Variants in FILIP1 observed in about 807,000 individuals in gnomAD.
FILIP1 encodes the protein filamin A interacting protein 1.
Under a neutral mutation model 102.1 loss-of-function variants are expected in FILIP1, and 61 were observed. The ratio of observed to expected loss-of-function variants is 0.60; its 90% CI spans 0.49 to 0.74. The LOEUF is 0.74. Among genes scored for constraint, FILIP1 ranks in the 30% least tolerant of loss-of-function variants. FILIP1 has a pLI of 0.00. For synonymous variants in FILIP1, 491 were observed against 526.9 expected (o/e 0.93, Z 0.93); for missense variants, 1,314 against 1,441.2 (o/e 0.91, Z 1.43).
At chr6:75,369,179 T>C (rs1775438304) in intron 2 of FILIP1, among the ~76,000 whole-genome samples, 1 of 152,192 alleles carries the variant, frequency 6.6e-6, no homozygotes, top group Non-Finnish European at 1.5e-5. Context: ...CAAAGAATCA[T>C]GGTCATTTCC....
At chr6:75,420,264 C>CCAG (rs1424421295) in intron 1 of FILIP1, among the ~76,000 whole-genome samples, 2 of 150,904 alleles carry the variant, frequency 1.3e-5, no homozygotes, top group Non-Finnish European at 3.0e-5. Flanking sequence ...AAGAACAATA[C>CCAG]CAGTAGGCCC....
intron 1 of FILIP1, among the ~76,000 whole-genome samples, chr6:75,446,020 A>G (rs1778434626): frequency 1.3e-5 from 2 of 152,176 alleles, no homozygotes; most frequent in African/African-American, 4.8e-5. Context: ...CTACTTTGAG[A>G]ACTAATGTCA....
intron 1 of FILIP1, among the ~76,000 whole-genome samples, chr6:75,417,485 T>C (rs73461709): frequency 0.01 from 1,592 of 152,330 alleles, 33 homozygotes; most frequent in African/African-American, 0.037. Flanking sequence ...ATGTACACTT[T>C]AAAATGCTTT....
chr6:75,293,456 A>C (rs1772589681), exon 7 of FILIP1: 1 of 152,152 alleles, frequency 6.6e-6, no homozygotes, highest in African/African-American at 2.4e-5. Context: ...TCTTATTTCA[A>C]AATTAATCTA....
At chr6:75,414,600 A>G (rs1777187686) in intron 2 of FILIP1, 97 bp downstream of exon 2, 1 of 1,143,924 alleles carries the variant, frequency 8.7e-7, no homozygotes, top group Non-Finnish European at 1.3e-6. Context: ...CTTTCCCCAT[A>G]AAGTTCATTA....
chr6:75,321,069 C>T (rs1450713066), intron 4 of FILIP1, among the ~76,000 whole-genome samples: 13 of 152,076 alleles, frequency 8.5e-5, no homozygotes. Context: ...TCTACTTCCT[C>T]CTTCTCCCTC....
Position 75,314,271 on chromosome 6 carries a change from G to C in FILIP1, c.1561C>G (p.Gln521Glu), listed in dbSNP as rs150817517. The change falls in exon 5 of 6, where the codon CAA becomes GAA. Residue 521 changes from glutamine (Q) to glutamate (E), a missense_variant. This residue lies in a region of FILIP1 where 816 missense variants were observed against 913.1 expected (regional missense o/e 0.89). Coordinates refer to ENST00000237172, the MANE Select transcript of FILIP1 (RefSeq NM_015687.5). ...AGTCCATCCACTTTTCTCTCTTCTT[G>C]TTTTATTTTTTCCATCATATTTTTC... Reference protein sequence around the residue: ...ERKNMMEKIKQEERKVDGLNK... With the variant: ...ERKNMMEKIKEEERKVDGLNK... 3 of 1,544,742 alleles carry C rather than the reference G, an allele frequency of 1.9e-6. No homozygotes were observed. The highest frequency in any genetic ancestry group is 1.3e-5 in the South Asian group (1 of 78,672).
chr6:75,438,305 G>A (rs1308712777), intron 1 of FILIP1, among the ~76,000 whole-genome samples: 4 of 152,184 alleles, frequency 2.6e-5, no homozygotes, highest in Admixed American at 2.6e-4. Flanking sequence ...CTCATACTTT[G>A]GAGCCAGTTT....
chr6:75,480,111 AT>A (rs1562659066), intron 1 of FILIP1, among the ~76,000 whole-genome samples: 2 of 151,394 alleles, frequency 1.3e-5, no homozygotes, highest in Non-Finnish European at 2.9e-5. Context: ...TTTCACCTTC[AT>A]TTTTTTAGAC....
At chr6:75,481,996 A>ATC (rs1779661250) in intron 1 of FILIP1, among the ~76,000 whole-genome samples, 1 of 151,988 alleles carries the variant, frequency 6.6e-6, no homozygotes, top group South Asian at 2.1e-4. Flanking sequence ...TTTTTCCCTA[A>ATC]TCTTTCTCTC....
At chr6:75,351,718 G>A (rs534042053) in intron 4 of FILIP1, among the ~76,000 whole-genome samples, 40 of 152,272 alleles carry the variant, frequency 2.6e-4, no homozygotes, top group African/African-American at 8.4e-4. Context: ...TTGTGTAAGC[G>A]TACTCTGTGA....
chr6:75,298,147 C>G (rs1180328870), intron 6 of FILIP1, among the ~76,000 whole-genome samples: 1 of 152,162 alleles, frequency 6.6e-6, no homozygotes, highest in Non-Finnish European at 1.5e-5. Flanking sequence ...AAATCTCCAT[C>G]ATAGTAATAA....
chr6:75,405,206 G>A (rs1356850761), intron 2 of FILIP1, among the ~76,000 whole-genome samples: 1 of 152,126 alleles, frequency 6.6e-6, no homozygotes, highest in African/African-American at 2.4e-5. Flanking sequence ...AAGTCACACT[G>A]TTTTGGTCTT....
intron 4 of FILIP1, among the ~76,000 whole-genome samples, chr6:75,339,968 A>C (rs1272854566): frequency 2.0e-5 from 3 of 151,850 alleles, no homozygotes; most frequent in Non-Finnish European, 4.4e-5. Flanking sequence ...ATAAATATAT[A>C]TATAATATAA....
chr6:75,312,905 C>T lies in FILIP1; in HGVS notation c.2927G>A (p.Arg976Gln), dbSNP rs1338023278. 4 of 1,614,118 alleles carry T rather than the reference C, an allele frequency of 2.5e-6. No homozygotes were observed. The highest frequency in any genetic ancestry group is 2.2e-5 in the East Asian group (1 of 44,882). The part of the protein sequence containing the change: ...KSGDTTLGPE[R>Q]AMSPVTITTF... The stretch of plus-strand genomic sequence containing the variant: ...AGTAATTGTGACTGGGGACATGGCT[C>T]GTTCTGGGCCAAGAGTAGTATCTCC... Residue 976 changes from arginine to glutamine, a missense_variant, in exon 5 of 6, where the codon CGA becomes CAA. Transcript: ENST00000237172.
chr6:75,353,524 G>A lies in FILIP1; in HGVS notation c.629+15C>T, dbSNP rs752004511. The stretch of plus-strand genomic sequence containing the variant: ...TGGGCATCCAGATGTGACTGGTGGT[G>A]TGTGTGCACATTACCTCTCCCGCTC... On this transcript the variant is annotated intron_variant, in intron 4 of 5. Coordinates refer to ENST00000237172, the MANE Select transcript of FILIP1 (RefSeq NM_015687.5). The A allele has an allele frequency of 6.2e-7, 1 of 1,613,792 alleles. No homozygotes were observed. The highest frequency in any genetic ancestry group is 8.5e-7 in the Non-Finnish European group (1 of 1,179,846).
intron 2 of FILIP1, among the ~76,000 whole-genome samples, chr6:75,375,941 C>G (rs1224474856): frequency 6.6e-6 from 1 of 152,122 alleles, no homozygotes; most frequent in Non-Finnish European, 1.5e-5. Flanking sequence ...TGTATATTTA[C>G]TTTTACAAAA....
At chr6:75,386,671 C>T (rs1432319795) in intron 2 of FILIP1, among the ~76,000 whole-genome samples, 1 of 152,132 alleles carries the variant, frequency 6.6e-6, no homozygotes, top group Non-Finnish European at 1.5e-5. Context: ...CTTTTCCTAG[C>T]CACGCCTCCT....
At chr6:75,402,448 G>A (rs1016066128) in intron 2 of FILIP1, among the ~76,000 whole-genome samples, 1 of 152,156 alleles carries the variant, frequency 6.6e-6, no homozygotes, top group Non-Finnish European at 1.5e-5. Flanking sequence ...GCCTCGCTCA[G>A]GGTGACCTCA....
Sources: gnomAD v4.1 joint callset for allele counts (sites outside exome capture counted in the v4.1 genomes callset) on GRCh38, gnomAD v4.1.1 for gene constraint, gnomAD v4.1.1 regional missense constraint, MANE v1.5 for transcripts, NCBI Gene and HGNC (gene_info 2026-07-23, HGNC 2026-07-21) for gene names.